PRKN: variants seen among roughly 807,000 people sequenced by gnomAD.
PRKN encodes the protein E3 ubiquitin-protein ligase parkin.
In PRKN, 56 loss-of-function variants were observed where a neutral mutation model predicts 59.5. The observed-to-expected ratio is 0.94, with a 90% CI of 0.76 to 1.18. The LOEUF (loss-of-function observed/expected upper bound fraction) is 1.18, where lower values mean the gene tolerates loss of function less well. Among genes scored for constraint, PRKN ranks in the 50% most tolerant of loss-of-function variants. The pLI is 0.00. For synonymous variants in PRKN, 250 were observed against 222.1 expected (o/e 1.13, Z -1.12); for missense variants, 657 against 596.4 (o/e 1.10, Z -1.06).
In PRKN at chr6:161,549,361, A is replaced by G. The variant is rs532102127; in HGVS notation, c.934-358T>C. 6.6e-6 allele frequency among the ~76,000 whole-genome samples: 1 copy of G among 152,362 alleles called. No individual in the cohort carries two copies. Among genetic ancestry groups the G allele is most frequent in the South Asian group, 2.1e-4 (1 of 4,830 alleles). On this transcript the variant is annotated intron_variant, in intron 8 of 11. Transcript: ENST00000366898. The surrounding 1 kb of genome is among the most constrained non-coding windows in gnomAD (Gnocchi z 6.0). The stretch of plus-strand genomic sequence containing the variant: ...CATATACATTTTGAGGAACATATTT[A>G]TGTATTAAATGATGAACACTTTTAA...
intron 7 of PRKN, among the ~76,000 whole-genome samples, chr6:161,747,066 G>A (rs992723764): frequency 6.6e-6 from 1 of 152,122 alleles, no homozygotes; most frequent in Non-Finnish European, 1.5e-5. Flanking sequence ...TTGGCTGAGA[G>A]ACTGCGGTCT....
chr6:161,746,760 T>C (rs1183964854), intron 7 of PRKN, among the ~76,000 whole-genome samples: 1 of 147,770 alleles, frequency 6.8e-6, no homozygotes, highest in Non-Finnish European at 1.5e-5. Context: ...CATATATATC[T>C]ATATAGATAT....
intron 8 of PRKN, among the ~76,000 whole-genome samples, chr6:161,553,907 T>C (rs1017899137): frequency 6.6e-6 from 1 of 152,210 alleles, no homozygotes; most frequent in Admixed American, 6.5e-5. Context: ...GGAAAATTAC[T>C]CAGGTTCATC....
chr6:162,224,686 A>G lies in PRKN; in HGVS notation c.413-23434T>C, dbSNP rs1429308348. On this transcript the variant is annotated intron_variant, in intron 3 of 11. Transcript: ENST00000366898. ...GGAAGGAATCTATCTTGAGGGAAGT[A>G]GGCCTGGGGAATTGGATGCTGCTGC... is the stretch of plus-strand genomic sequence containing the variant. 2.6e-5 allele frequency among the ~76,000 whole-genome samples: 4 copies of G among 152,246 alleles called. No homozygotes were observed. The Middle Eastern group carries it at 0.01, about 388-fold the overall frequency.
At chr6:162,119,689 G>T (rs1780824327) in intron 4 of PRKN, among the ~76,000 whole-genome samples, 2 of 152,114 alleles carry the variant, frequency 1.3e-5, no homozygotes, top group African/African-American at 2.4e-5. Flanking sequence ...CCTCTAAGGA[G>T]CCAGTGGCAA....
At chr6:161,821,548 T>G (rs74771083) in intron 6 of PRKN, among the ~76,000 whole-genome samples, 3,310 of 152,172 alleles carry the variant, frequency 0.022, 119 homozygotes, top group African/African-American at 0.076. Context: ...GTGTTAACTT[T>G]CAGGAAAAAG....
chr6:162,558,845 T>C (rs1302695776), intron 1 of PRKN, among the ~76,000 whole-genome samples: 3 of 152,004 alleles, frequency 2.0e-5, no homozygotes, highest in Admixed American at 6.6e-5. Flanking sequence ...TTTTGCCATG[T>C]TGCCCAGGCT....
Position 161,362,538 on chromosome 6 carries a change from G to T in PRKN, c.1168-2333C>A, listed in dbSNP as rs1237634426. Among the ~76,000 whole-genome samples the T allele has an allele frequency of 6.6e-6, 1 of 152,204 alleles. No individual in the cohort carries two copies. Among genetic ancestry groups the T allele is most frequent in the Non-Finnish European group, 1.5e-5 (1 of 68,042 alleles). On this transcript the variant is annotated intron_variant, in intron 10 of 11. Coordinates refer to ENST00000366898, the MANE Select transcript of PRKN (RefSeq NM_004562.3). The surrounding 1 kb of genome is among the most constrained non-coding windows in gnomAD (Gnocchi z 5.2). ...AAAAGCCCGCCCTGAAGAGATAATT[G>T]ACAGATATGTGCTGGTCTCAGGCTG...
intron 2 of PRKN, among the ~76,000 whole-genome samples, chr6:162,280,949 TA>T (rs371870058): frequency 1.2e-4 from 18 of 151,562 alleles, no homozygotes; most frequent in East Asian, 3.9e-4. Context: ...TATGCAACCA[TA>T]AAAAAGAATG....
rs188207070 is a variant in PRKN at position 162,303,907 on chromosome 6, A to G, written c.172-41142T>C. On this transcript the variant is annotated intron_variant, in intron 2 of 11. Transcript: ENST00000366898. The stretch of plus-strand genomic sequence containing the variant: ...AGGAGGCAATGGGAGGATAGGAATG[A>G]GGAGGGAGGCAGCCTTCTCTGCAGG... 4.6e-3 allele frequency among the ~76,000 whole-genome samples: 698 copies of G among 152,220 alleles called. 8 individuals carry two copies. The highest frequency in any genetic ancestry group is 0.016 in the African/African-American group (663 of 41,540).
intron 4 of PRKN, among the ~76,000 whole-genome samples, chr6:162,131,119 C>T (rs1781334686): frequency 2.0e-5 from 3 of 152,268 alleles, no homozygotes; most frequent in South Asian, 4.1e-4. Flanking sequence ...GCAATTCCCA[C>T]CACCATGACA....
chr6:162,312,984 C>T (rs1360864300), intron 2 of PRKN, among the ~76,000 whole-genome samples: 1 of 151,990 alleles, frequency 6.6e-6, no homozygotes, highest in African/African-American at 2.4e-5. Context: ...TAGATGATAT[C>T]ACATATATAC....
At chr6:162,691,112 T>C (rs769974871) in intron 1 of PRKN, among the ~76,000 whole-genome samples, 4 of 152,146 alleles carry the variant, frequency 2.6e-5, no homozygotes, top group Non-Finnish European at 5.9e-5. Flanking sequence ...TTATTCATCA[T>C]ATCTGATAAG....
chr6:161,476,380 T>C (rs1306653905), intron 9 of PRKN, among the ~76,000 whole-genome samples: 1 of 152,176 alleles, frequency 6.6e-6, no homozygotes, highest in Non-Finnish European at 1.5e-5. Flanking sequence ...CAACTGTTTT[T>C]AGTAACTTCC....
chr6:161,881,475 T>C lies in PRKN; in HGVS notation c.734+91827A>G, dbSNP rs140669968. Among the ~76,000 whole-genome samples, 45 of 152,224 alleles carry C rather than the reference T, an allele frequency of 3.0e-4. No homozygotes were observed. In the East Asian group the frequency reaches 8.5e-3, roughly 29 times the overall value. Reference sequence around the variant, plus strand: ...TGGTTTAGGGCTGCGACCACCACAGTCCTCCTCACACACGACCAGATTCCA... The same window carrying C: ...TGGTTTAGGGCTGCGACCACCACAGCCCTCCTCACACACGACCAGATTCCA... On this transcript the variant is annotated intron_variant, in intron 6 of 11. Transcript: ENST00000366898.
intron 4 of PRKN, among the ~76,000 whole-genome samples, chr6:162,147,423 GA>G (rs1782080536): frequency 1.4e-5 from 2 of 145,732 alleles, no homozygotes; most frequent in Admixed American, 1.4e-4. Context: ...TTCTTTAGTT[GA>G]TTTTGTATTG....
rs1341794801 is a variant in PRKN, at chr6:161,376,895, G to C, written c.1167+9899C>G. ...ACCTGTGGCACTTGGTGCCTGGATA[G>C]TCCTAGGAAGCAAACTCTAAAATGG... is the stretch of plus-strand genomic sequence containing the variant. On this transcript the variant is annotated intron_variant, in intron 10 of 11. Transcript: ENST00000366898. The surrounding 1 kb of genome is among the most constrained non-coding windows in gnomAD (Gnocchi z 7.3). 6.6e-6 allele frequency among the ~76,000 whole-genome samples: 1 copy of C among 152,206 alleles called. No homozygotes were observed. Among genetic ancestry groups the C allele is most frequent in the South Asian group, 2.1e-4 (1 of 4,830 alleles).
Position 161,349,171 on chromosome 6 carries a change from T to G in PRKN, c.*928A>C. On this transcript the variant is annotated 3_prime_UTR_variant, in exon 12 of 12. Transcript: ENST00000366898. The surrounding 1 kb of genome is among the most constrained non-coding windows in gnomAD (Gnocchi z 5.5). ...CTTTTGTTAAGATTGAATATCATTT[T>G]GAAATCATTTCTAAACGTGTTTCCT... The G allele has an allele frequency of 4.5e-6, 1 of 222,346 alleles. No individual in the cohort carries two copies. The allele number at this position is 222,346 out of a possible 1,614,324, so 13.8% of individuals were successfully genotyped here.
At position 161,548,752 on chromosome 6, in the gene PRKN, C is replaced by A. The variant is rs1406531342; in HGVS notation, c.1083+102G>T. ...TATGTAAGTTCAAAGATGTCTAAGTCCAAAGGGAAAATGAAAATAAAATAA... is the reference window on the plus strand; with the variant it reads ...TATGTAAGTTCAAAGATGTCTAAGTACAAAGGGAAAATGAAAATAAAATAA... On this transcript the variant is annotated intron_variant, in intron 9 of 11. Transcript: ENST00000366898. The surrounding 1 kb of genome is among the most constrained non-coding windows in gnomAD (Gnocchi z 4.2). 2 of 1,133,232 alleles carry A rather than the reference C, an allele frequency of 1.8e-6. No homozygotes were observed. The highest frequency in any genetic ancestry group is 2.6e-6 in the Non-Finnish European group (2 of 771,446). The allele number at this position is 1,133,232 out of a possible 1,614,324, so 70.2% of individuals were successfully genotyped here.
Sources: gnomAD v4.1 joint callset for allele counts (sites outside exome capture counted in the v4.1 genomes callset) on GRCh38, gnomAD v4.1.1 for gene constraint, Gnocchi (gnomAD v3.1) non-coding constraint, MANE v1.5 for transcripts, NCBI Gene and HGNC (gene_info 2026-07-23, HGNC 2026-07-21) for gene names.